AHNAK2: variants seen among roughly 807,000 people sequenced by gnomAD.
AHNAK2 encodes protein AHNAK2.
AHNAK2 carries 18 observed loss-of-function variants against 30.7 expected under a neutral mutation model. That is an observed-to-expected ratio of 0.59 (90% CI 0.41 to 0.87). The LOEUF (loss-of-function observed/expected upper bound fraction) is 0.87, where lower values mean the gene tolerates loss of function less well. AHNAK2 is among the 40% of genes least tolerant of loss of function. AHNAK2 has a pLI of 0.00. For synonymous variants in AHNAK2, 3,590 were observed against 3,073.8 expected (o/e 1.17, Z -5.56); for missense variants, 8,604 against 7,373.0 (o/e 1.17, Z -6.11).
Position 104,955,628 on chromosome 14 carries a change from G to A in AHNAK2, c.321C>T (p.Val107=). The A allele has an allele frequency of 6.2e-7, 1 of 1,613,190 alleles. No homozygotes were observed. Among genetic ancestry groups the A allele is most frequent in the Non-Finnish European group, 8.5e-7 (1 of 1,179,612 alleles). ...TCAGCGTCACCTCTGTTGCCTCCTG[G>A]ACAGCCTGGAGCAGAAGCACATCAG... ...TFFRMSRPEA[V]QEATEVTLKT... is the part of the protein sequence containing the mutation. The change falls in exon 5 of 7, where the codon GTC becomes GTT. Residue 107 remains valine, a synonymous_variant. Transcript: ENST00000333244.
chr14:104,953,269 G>T lies in AHNAK2; in HGVS notation c.2182C>A (p.Pro728Thr). 1 of 1,612,838 alleles carries T rather than the reference G, an allele frequency of 6.2e-7. No homozygotes were observed. The highest frequency in any genetic ancestry group is 1.1e-5 in the South Asian group (1 of 91,034). ...LKTTDLSVQT[P>T]SADLEVQDGQ... The stretch of plus-strand genomic sequence containing the variant: ...TCCTGGACCTCCAGGTCAGCGGAAG[G>T]GGTCTGGACGCTGAGGTCAGTGGTC... The change falls in exon 7 of 7, where the codon CCT becomes ACT. Residue 728 changes from proline (P) to threonine (T), a missense_variant. Physicochemically the swap from Pro to Thr is conservative, Grantham distance 38 (BLOSUM62 -1). Coordinates refer to ENST00000333244, the MANE Select transcript of AHNAK2 (RefSeq NM_138420.4).
At position 104,942,369 on chromosome 14, in the gene AHNAK2, T is replaced by A; in HGVS notation, c.13082A>T (p.Gln4361Leu). The A allele has an allele frequency of 6.2e-7, 1 of 1,612,972 alleles. No individual in the cohort carries two copies. The highest frequency in any genetic ancestry group is 1.1e-5 in the South Asian group (1 of 91,056). ...GCCCTCTGGGAGTTTCACATCCTCT[T>A]GGCCAGCCTGGACCTCCAGATCAGC... ...PSADLEVQAG[Q>L]EDVKLPEGPV... Residue 4361 changes from glutamine (Q) to leucine (L), a missense_variant, in exon 7 of 7, where the codon CAA becomes CTA. Physicochemically the swap from Gln to Leu is moderately radical, Grantham distance 113. Transcript: ENST00000333244.
intron 1 of AHNAK2, among the ~76,000 whole-genome samples, chr14:104,964,559 A>C (rs1178617048): frequency 2.6e-5 from 4 of 152,248 alleles, no homozygotes; most frequent in African/African-American, 9.6e-5. Flanking sequence ...CCAGAGATTC[A>C]AATGTCCATC....
Position 104,950,749 on chromosome 14 carries a change from C to T in AHNAK2, c.4702G>A (p.Glu1568Lys), listed in dbSNP as rs199890079. The T allele has an allele frequency of 3.5e-4, 556 of 1,587,912 alleles. 58 individuals are homozygous for T. The highest frequency in any genetic ancestry group is 2.9e-3 in the East Asian group (129 of 44,194). Residue 1568 changes from glutamate to lysine, a missense_variant, in exon 7 of 7, where the codon GAG (glutamate) becomes AAG (lysine). Transcript: ENST00000333244. ...DVKLPEGPVS[E>K]GAGLKGHLPK... Reference sequence around the variant, plus strand: ...AGGTGCCCTTTGAGGCCGGCTCCCTCGGACACAGGGCCCTCTGGGAGTTTC... The same window carrying T: ...AGGTGCCCTTTGAGGCCGGCTCCCTTGGACACAGGGCCCTCTGGGAGTTTC...
rs1898800680 is a variant in AHNAK2, at chr14:104,952,628, G to A, written c.2823C>T (p.Pro941=). ...LKGPQIDVKG[P]KLDLKGPKAE... is the part of the protein sequence containing the mutation. ...CCTTGGGGCCTTTCAGGTCCAGCTTGGGGCCCTTAACATCTATCTGGGGGC... is the reference window on the plus strand; with the variant it reads ...CCTTGGGGCCTTTCAGGTCCAGCTTAGGGCCCTTAACATCTATCTGGGGGC... Residue 941 remains proline, a synonymous_variant, in exon 7 of 7, where the codon CCC becomes CCT. Transcript: ENST00000333244. 6.2e-7 allele frequency: 1 copy of A among 1,612,206 alleles called. No individual in the cohort carries two copies. Among genetic ancestry groups the A allele is most frequent in the African/African-American group, 1.3e-5 (1 of 74,138 alleles).
chr14:104,942,203 C>G lies in AHNAK2; in HGVS notation c.13248G>C (p.Glu4416Asp). ...PKLDLKGPKV[E>D]VTSPNLDVSL... ...ACACGTCCAGGTTGGGGGACGTCACCTCCACCTTGGGGCCTTTCAGGTCCA... is the reference window on the plus strand; with the variant it reads ...ACACGTCCAGGTTGGGGGACGTCACGTCCACCTTGGGGCCTTTCAGGTCCA... Residue 4416 changes from glutamate to aspartate, a missense_variant, in exon 7 of 7, where the codon GAG becomes GAC. Glu to Asp is a conservative substitution (Grantham distance 45, BLOSUM62 2). Coordinates refer to ENST00000333244, the MANE Select transcript of AHNAK2 (RefSeq NM_138420.4). 6.2e-7 allele frequency: 1 copy of G among 1,612,678 alleles called. No individual in the cohort carries two copies. The highest frequency in any genetic ancestry group is 1.3e-5 in the African/African-American group (1 of 74,644).
chr14:104,949,619 G>A lies in AHNAK2; in HGVS notation c.5832C>T (p.Ala1944=). Residue 1944 remains alanine, a synonymous_variant, in exon 7 of 7, where the codon GCC becomes GCT. Coordinates refer to ENST00000333244, the MANE Select transcript of AHNAK2 (RefSeq NM_138420.4). The part of the protein sequence containing the change: ...DLKGPKAEVT[A]PDVEVSLPSM... ...TGGGCAGAGACACCTCGACATCGGG[G>A]GCTGTCACTTCCGCCTTGGGGCCTT... 6.3e-7 allele frequency: 1 copy of A among 1,588,948 alleles called. No homozygotes were observed. The highest frequency in any genetic ancestry group is 8.6e-7 in the Non-Finnish European group (1 of 1,163,356).
At chr14:104,967,947 G>T (rs1003890561) in intron 1 of AHNAK2, among the ~76,000 whole-genome samples, 1 of 152,226 alleles carries the variant, frequency 6.6e-6, no homozygotes, top group Non-Finnish European at 1.5e-5. Flanking sequence ...GGCCGCCTTT[G>T]CCCGCCCGGC....
chr14:104,944,351 G>A lies in AHNAK2; in HGVS notation c.11100C>T (p.Gly3700=), dbSNP rs1898144432. 1 of 1,612,568 alleles carries A rather than the reference G, an allele frequency of 6.2e-7. No individual in the cohort carries two copies. Among genetic ancestry groups the A allele is most frequent in the South Asian group, 1.1e-5 (1 of 91,018 alleles). The change falls in exon 7 of 7, where the codon GGC becomes GGT. Residue 3700 remains glycine, a synonymous_variant. Transcript: ENST00000333244. ...CCTCCGGGAGCTTCACATCCATCTGGCCAGCCTGGACCTTCAGGTCGGCAG... is the reference window on the plus strand; with the variant it reads ...CCTCCGGGAGCTTCACATCCATCTGACCAGCCTGGACCTTCAGGTCGGCAG... ...PPSADLKVQA[G]QMDVKLPEGQ...
At chr14:104,972,335 A>G (rs1899489673) in intron 1 of AHNAK2, among the ~76,000 whole-genome samples, 2 of 152,198 alleles carry the variant, frequency 1.3e-5, no homozygotes, top group Admixed American at 1.3e-4. Flanking sequence ...GACAGCTCTC[A>G]CCTGGGAACG....
intron 1 of AHNAK2, among the ~76,000 whole-genome samples, chr14:104,962,638 G>A (rs1899181347): frequency 6.6e-6 from 1 of 151,130 alleles, no homozygotes; most frequent in Admixed American, 6.6e-5. Context: ...GTTTCACCAT[G>A]TTGCCCAGGC....
chr14:104,964,035 A>T (rs1411136980), intron 1 of AHNAK2, among the ~76,000 whole-genome samples: 1 of 152,168 alleles, frequency 6.6e-6, no homozygotes, highest in Non-Finnish European at 1.5e-5. Flanking sequence ...AATGAAATCG[A>T]TAAATTGCAG....
intron 1 of AHNAK2, among the ~76,000 whole-genome samples, chr14:104,969,808 C>T (rs893982923): frequency 3.3e-5 from 5 of 152,180 alleles, no homozygotes; most frequent in Non-Finnish European, 5.9e-5. Context: ...CCATCCCAGG[C>T]GGGCTAGCCT....
chr14:104,967,543 T>C (rs1566925794), intron 1 of AHNAK2, among the ~76,000 whole-genome samples: 2 of 152,220 alleles, frequency 1.3e-5, no homozygotes, highest in African/African-American at 2.4e-5. Flanking sequence ...CTGCTCCTGC[T>C]GGCCCTCGTG....
Position 104,945,508 on chromosome 14 carries a change from T to C in AHNAK2, c.9943A>G (p.Met3315Val), listed in dbSNP as rs1253230968. The change falls in exon 7 of 7, where the codon ATG becomes GTG. Residue 3315 changes from methionine (M) to valine (V), a missense_variant. Coordinates refer to ENST00000333244, the MANE Select transcript of AHNAK2 (RefSeq NM_138420.4). ...DSKFKMPKFK[M>V]PSYRASAPGK... The stretch of plus-strand genomic sequence containing the variant: ...GGGGCAGACGCCCTGTACGACGGCA[T>C]CTTGAATTTGGGCATTTTGAACTTG... 2 of 1,612,678 alleles carry C rather than the reference T, an allele frequency of 1.2e-6. No individual in the cohort carries two copies. The highest frequency in any genetic ancestry group is 1.7e-6 in the Non-Finnish European group (2 of 1,179,534).
Position 104,952,807 on chromosome 14 carries a change from T to G in AHNAK2, c.2644A>C (p.Ser882Arg), listed in dbSNP as rs1458604239. ...AGGTCAGCGGAAGGGGGCTGAATGC[T>G]GAGGTCAGTGGCCTTGAGGTCCCCC... ...MQGDLKATDL[S>R]IQPPSADLEV... is the part of the protein sequence containing the mutation. Residue 882 changes from serine (S) to arginine (R), a missense_variant, in exon 7 of 7, where the codon AGC (serine) becomes CGC (arginine). By Grantham distance (110) the Ser-to-Arg change is moderately radical. Transcript: ENST00000333244. 6.2e-7 allele frequency: 1 copy of G among 1,612,294 alleles called. No homozygotes were observed. Among genetic ancestry groups the G allele is most frequent in the Admixed American group, 1.7e-5 (1 of 59,912 alleles).
At position 104,938,271 on chromosome 14, in the gene AHNAK2, T is replaced by A; in HGVS notation, c.17180A>T (p.Gln5727Leu). Reference protein sequence around the residue: ...DGAELEEQKLQEETITFFDAR... With the variant: ...DGAELEEQKLLEETITFFDAR... ...ATCAAAAAACGTGATTGTTTCTTCT[T>A]GAAGTTTTTGTTCTTCCAGCTCTGC... Residue 5727 changes from glutamine to leucine, a missense_variant, in exon 7 of 7, where the codon CAA becomes CTA. Gln to Leu is a moderately radical substitution (Grantham distance 113). Transcript: ENST00000333244. The A allele has an allele frequency of 6.2e-7, 1 of 1,613,930 alleles. No homozygotes were observed. The highest frequency in any genetic ancestry group is 2.2e-5 in the East Asian group (1 of 44,890).
At position 104,949,800 on chromosome 14, in the gene AHNAK2, G is replaced by T. The variant is rs1314557477; in HGVS notation, c.5651C>A (p.Ala1884Asp). The T allele has an allele frequency of 1.3e-6, 2 of 1,587,560 alleles. No homozygotes were observed. Among genetic ancestry groups the T allele is most frequent in the South Asian group, 1.1e-5 (1 of 89,962 alleles). ...CGGGAGCTTCATGTCCACTTGGCCA[G>T]CCTGGACCACCAGGTCTGCAGAAGG... ...PLPSADLVVQ[A>D]GQVDMKLPEG... The change falls in exon 7 of 7, where the codon GCT (alanine) becomes GAT (aspartate). Residue 1884 changes from alanine (A) to aspartate (D), a missense_variant. Ala to Asp is a moderately radical substitution (Grantham distance 126). Coordinates refer to ENST00000333244, the MANE Select transcript of AHNAK2 (RefSeq NM_138420.4).
chr14:104,939,017 A>G lies in AHNAK2; in HGVS notation c.16434T>C (p.Thr5478=), dbSNP rs1382080295. ...QGAQVESQEV[T]IHSIVTPEFV... ...ACTCTGGTGTCACTATGCTGTGTAT[A>G]GTGACCTCTTGACTTTCAACCTGAG... The change falls in exon 7 of 7, where the codon ACT becomes ACC. Residue 5478 remains threonine (T), a synonymous_variant. Transcript: ENST00000333244. 1.2e-6 allele frequency: 2 copies of G among 1,610,280 alleles called. No homozygotes were observed. The highest frequency in any genetic ancestry group is 1.7e-6 in the Non-Finnish European group (2 of 1,178,392).
Sources: gnomAD v4.1 joint callset for allele counts (sites outside exome capture counted in the v4.1 genomes callset) on GRCh38, gnomAD v4.1.1 for gene constraint, MANE v1.5 for transcripts, NCBI Gene and HGNC (gene_info 2026-07-23, HGNC 2026-07-21) for gene names.